SGCZ: variants seen among roughly 807,000 people sequenced by gnomAD.
SGCZ encodes zeta-sarcoglycan.
A neutral mutation model predicts 41.3 loss-of-function variants in SGCZ; 40 were observed. That is an observed-to-expected ratio of 0.97 (90% CI 0.75 to 1.26). The LOEUF is 1.26. Among genes scored for constraint, SGCZ ranks in the 50% most tolerant of loss-of-function variants. SGCZ has a pLI of 0.00. For synonymous variants in SGCZ, 206 were observed against 137.5 expected (o/e 1.50, Z -3.49); for missense variants, 552 against 369.8 (o/e 1.49, Z -4.04).
At chr8:14,646,291 G>C (rs1807213095) in intron 1 of SGCZ, among the ~76,000 whole-genome samples, 1 of 151,916 alleles carries the variant, frequency 6.6e-6, no homozygotes, top group Non-Finnish European at 1.5e-5. Flanking sequence ...TTATGAGCAA[G>C]AACATGTGGT....
At chr8:15,100,846 G>T (rs1243732143) in intron 1 of SGCZ, among the ~76,000 whole-genome samples, 3 of 152,038 alleles carry the variant, frequency 2.0e-5, no homozygotes, top group African/African-American at 7.2e-5. Flanking sequence ...AAAATTAGTT[G>T]GGCATGGTGG....
At chr8:14,221,772 C>CA (rs767017559) in intron 4 of SGCZ, among the ~76,000 whole-genome samples, 17 of 151,912 alleles carry the variant, frequency 1.1e-4, no homozygotes, top group East Asian at 9.7e-4. Context: ...CTCATCTGTA[C>CA]AAAAAATATA....
intron 1 of SGCZ, among the ~76,000 whole-genome samples, chr8:15,055,841 G>A (rs907281146): frequency 2.6e-5 from 4 of 152,194 alleles, no homozygotes; most frequent in African/African-American, 7.2e-5. Context: ...TAACTTGGAT[G>A]TGCCTCCCCA....
intron 2 of SGCZ, among the ~76,000 whole-genome samples, chr8:14,544,609 C>T (rs780665311): frequency 3.0e-4 from 45 of 152,018 alleles, no homozygotes; most frequent in Non-Finnish European, 5.6e-4. Context: ...CTGTCTTGTG[C>T]AGTTGAGATA....
chr8:14,379,318 T>C (rs1327711653), intron 2 of SGCZ, among the ~76,000 whole-genome samples: 1 of 152,144 alleles, frequency 6.6e-6, no homozygotes, highest in Non-Finnish European at 1.5e-5. Flanking sequence ...TCAATAGCCT[T>C]CATAGATTTC....
intron 1 of SGCZ, among the ~76,000 whole-genome samples, chr8:15,002,257 T>C (rs1171712857): frequency 6.6e-6 from 1 of 151,810 alleles, no homozygotes; most frequent in Admixed American, 6.6e-5. Context: ...GCAGTGATAT[T>C]TGCCTTTAAG....
At chr8:14,997,289 A>T (rs1802251447) in intron 1 of SGCZ, among the ~76,000 whole-genome samples, 1 of 152,200 alleles carries the variant, frequency 6.6e-6, no homozygotes, top group South Asian at 2.1e-4. Context: ...TTTCTTTGCT[A>T]TGAAACATTA....
chr8:14,733,121 T>A (rs1177191267), intron 1 of SGCZ, among the ~76,000 whole-genome samples: 1 of 152,106 alleles, frequency 6.6e-6, no homozygotes, highest in Admixed American at 6.5e-5. Flanking sequence ...CCACAGCCCA[T>A]ATCTCAAACA....
At chr8:14,638,285 A>G (rs569458760) in intron 1 of SGCZ, among the ~76,000 whole-genome samples, 1 of 151,954 alleles carries the variant, frequency 6.6e-6, no homozygotes, top group South Asian at 2.1e-4. Flanking sequence ...AGTCATTACA[A>G]CTGCAGAGCA....
At chr8:14,455,197 T>C (rs933781422) in intron 2 of SGCZ, among the ~76,000 whole-genome samples, 2 of 151,988 alleles carry the variant, frequency 1.3e-5, no homozygotes, top group Non-Finnish European at 2.9e-5. Context: ...AAAGCTTACA[T>C]AGAAAAAATG....
chr8:14,103,352 C>T (rs984578676), intron 6 of SGCZ, among the ~76,000 whole-genome samples: 1 of 152,174 alleles, frequency 6.6e-6, no homozygotes, highest in African/African-American at 2.4e-5. Flanking sequence ...AGGATCCATG[C>T]ACTGGTCTTT....
intron 2 of SGCZ, among the ~76,000 whole-genome samples, chr8:14,338,789 A>C (rs113381161): frequency 2.0e-5 from 3 of 152,128 alleles, no homozygotes; most frequent in Non-Finnish European, 4.4e-5. Flanking sequence ...TAAATTGCCA[A>C]TTTGAAAATT....
rs1460731035 is a variant in SGCZ, at chr8:14,715,124, A to C, written c.40-160198T>G. Among the ~76,000 whole-genome samples the C allele has an allele frequency of 4.6e-5, 7 of 152,312 alleles. No individual in the cohort carries two copies. In the South Asian group the frequency reaches 1.0e-3, roughly 23 times the overall value. The stretch of plus-strand genomic sequence containing the variant: ...GAACACTTGTCTACGATGCATATTC[A>C]TGGAAATCTGGAAAATAAGTAGTTT... On this transcript the variant is annotated intron_variant, in intron 1 of 7. Transcript: ENST00000382080.
intron 1 of SGCZ, among the ~76,000 whole-genome samples, chr8:15,165,434 G>C (rs537004350): frequency 1.3e-5 from 2 of 152,146 alleles, no homozygotes; most frequent in Non-Finnish European, 2.9e-5. Flanking sequence ...CAGAAGCAAG[G>C]TTTGCCAGGT....
At chr8:14,098,037 C>G (rs771150283) in intron 7 of SGCZ, among the ~76,000 whole-genome samples, 2 of 152,144 alleles carry the variant, frequency 1.3e-5, no homozygotes, top group African/African-American at 2.4e-5. Flanking sequence ...ACATCCTCCT[C>G]AAAGATAGAA....
chr8:15,149,897 G>T (rs779076411), intron 1 of SGCZ, among the ~76,000 whole-genome samples: 1 of 152,104 alleles, frequency 6.6e-6, no homozygotes, highest in African/African-American at 2.4e-5. Flanking sequence ...ACAAAAATGT[G>T]CATCAACAGA....
chr8:14,750,320 G>T (rs1799458878), intron 1 of SGCZ, among the ~76,000 whole-genome samples: 1 of 152,104 alleles, frequency 6.6e-6, no homozygotes, highest in African/African-American at 2.4e-5. Flanking sequence ...TGACATTAAA[G>T]ATTCACAGAA....
chr8:14,403,399 C>G (rs1245864507), intron 2 of SGCZ, among the ~76,000 whole-genome samples: 2 of 151,358 alleles, frequency 1.3e-5, no homozygotes, highest in African/African-American at 2.5e-5. Context: ...CAGTTTTTGC[C>G]CATTCAGTAT....
Position 14,095,657 on chromosome 8 carries a change from G to A in SGCZ, c.745-5020C>T, listed in dbSNP as rs562712270. ...CTGTGAAGAATGTCAATGGCAGCTT[G>A]ATGGGGATAGCATTGAATCTATAAA... On this transcript the variant is annotated intron_variant, in intron 7 of 7. Transcript: ENST00000382080. Among the ~76,000 whole-genome samples the A allele has an allele frequency of 9.2e-5, 14 of 152,276 alleles. No homozygotes were observed. In the South Asian group the frequency reaches 2.9e-3, roughly 32 times the overall value.
Sources: allele counts gnomAD v4.1 joint callset (sites outside exome capture counted in the v4.1 genomes callset), GRCh38; gene constraint gnomAD v4.1.1; transcripts MANE v1.5; gene names NCBI Gene and HGNC (gene_info 2026-07-23, HGNC 2026-07-21).